Variants in SLC24A2 observed in about 807,000 individuals in gnomAD.
SLC24A2 encodes the protein solute carrier family 24 member 2, also known as sodium/potassium/calcium exchanger 2.
SLC24A2 carries 36 observed loss-of-function variants against 62.0 expected under a neutral mutation model. The ratio of observed to expected loss-of-function variants is 0.58; its 90% CI spans 0.44 to 0.77. The LOEUF is 0.77. SLC24A2 is among the 30% of genes least tolerant of loss of function. The probability of loss-of-function intolerance (pLI) is 0.00; values close to 1 mark genes in which losing one functional copy is unlikely to be tolerated. For missense variants in SLC24A2, 846 were observed against 817.9 expected, an observed-to-expected ratio of 1.03 and a Z score of -0.42; for synonymous variants, 358 against 294.0, an observed-to-expected ratio of 1.22 and a Z score of -2.23.
At chr9:19,756,902 G>A (rs1471345883) in intron 2 of SLC24A2, among the ~76,000 whole-genome samples, 1 of 42,346 alleles carries the variant, frequency 2.4e-5, no homozygotes. Flanking sequence ...TTTTACTGAA[G>A]CTTTTTTTTT....
chr9:19,608,138 C>T lies in SLC24A2; in HGVS notation c.1079-10859G>A, dbSNP rs538116973. Among the ~76,000 whole-genome samples the T allele has an allele frequency of 3.9e-5, 6 of 152,254 alleles. No homozygotes were observed. The South Asian group carries it at 1.2e-3, about 32-fold the overall frequency. On this transcript the variant is annotated intron_variant, in intron 4 of 10. Transcript: ENST00000341998. The stretch of plus-strand genomic sequence containing the variant: ...GAAGATTTTCACTCATTTGCCTATT[C>T]ATTTACCAGGCGGAGGCTGCACGCA...
At chr9:20,266,424 C>T in the SLC24A2 span, among the ~76,000 whole-genome samples, 1 of 152,156 alleles carries the variant, frequency 6.6e-6, no homozygotes. Context: ...CTGGGTGTTC[C>T]CTATAGCTCA....
the SLC24A2 span, among the ~76,000 whole-genome samples, chr9:19,994,651 G>A: frequency 1.8e-4 from 28 of 152,186 alleles, no homozygotes; most frequent in Non-Finnish European, 4.4e-5. Context: ...AAGTTGGCAA[G>A]CAGAGTGGCT....
At chr9:20,200,441 T>A in the SLC24A2 span, among the ~76,000 whole-genome samples, 1 of 152,200 alleles carries the variant, frequency 6.6e-6, no homozygotes, top group African/African-American at 2.4e-5. Flanking sequence ...GAGACTTTGA[T>A]TCTCACAAAT....
upstream of SLC24A2, among the ~76,000 whole-genome samples, chr9:19,791,031 C>T (rs578190606): frequency 6.6e-6 from 1 of 152,270 alleles, no homozygotes; most frequent in Admixed American, 6.5e-5. Flanking sequence ...CTTGGTTGCA[C>T]ATAATAAAAA....
upstream of SLC24A2, among the ~76,000 whole-genome samples, chr9:19,790,071 AT>A (rs1488117665): frequency 1.3e-5 from 2 of 148,808 alleles, no homozygotes. Flanking sequence ...CCACCCCCCA[AT>A]CAAAGCCAGG....
the SLC24A2 span, among the ~76,000 whole-genome samples, chr9:20,279,675 T>C: frequency 6.6e-6 from 1 of 152,212 alleles, no homozygotes; most frequent in African/African-American, 2.4e-5. Context: ...CAGAATTAAA[T>C]GCCAAGGGAT....
At chr9:19,775,380 T>C (rs1235210681) in intron 2 of SLC24A2, among the ~76,000 whole-genome samples, 1 of 152,220 alleles carries the variant, frequency 6.6e-6, no homozygotes. Flanking sequence ...AGCAAGCATA[T>C]CATGCTGTGA....
At chr9:19,569,550 C>T (rs995983804) in intron 7 of SLC24A2, among the ~76,000 whole-genome samples, 7 of 152,196 alleles carry the variant, frequency 4.6e-5, no homozygotes, top group Admixed American at 6.5e-5. Flanking sequence ...CACACCAGTA[C>T]GTGTCATCAT....
chr9:19,600,328 T>C (rs1417511719), intron 4 of SLC24A2, among the ~76,000 whole-genome samples: 2 of 152,210 alleles, frequency 1.3e-5, no homozygotes, highest in South Asian at 2.1e-4. Context: ...TTACGTATAT[T>C]ACTACCCCTC....
chr9:19,525,589 A>C (rs564175789), intron 9 of SLC24A2, among the ~76,000 whole-genome samples: 8 of 150,726 alleles, frequency 5.3e-5, no homozygotes, highest in Non-Finnish European at 8.9e-5. Context: ...ATTTTTGTAA[A>C]GACAGGGTTT....
At chr9:19,576,857 G>T in intron 6 of SLC24A2, 67 bp downstream of exon 6, 2 of 1,196,936 alleles carry the variant, frequency 1.7e-6, no homozygotes, top group Non-Finnish European at 2.5e-6. Context: ...GCCCACACTG[G>T]TCCTGACTCT....
At chr9:19,877,071 G>A in the SLC24A2 span, among the ~76,000 whole-genome samples, 3 of 151,812 alleles carry the variant, frequency 2.0e-5, no homozygotes, top group Admixed American at 1.3e-4. Context: ...CTTTCTTTAG[G>A]GGACTCATGT....
chr9:19,973,803 G>T, the SLC24A2 span, among the ~76,000 whole-genome samples: 1 of 152,216 alleles, frequency 6.6e-6, no homozygotes, highest in Admixed American at 6.5e-5. Flanking sequence ...TAACTAAAAG[G>T]TTGTTTAAAA....
the SLC24A2 span, among the ~76,000 whole-genome samples, chr9:20,296,973 C>T: frequency 2.0e-5 from 3 of 152,126 alleles, no homozygotes; most frequent in South Asian, 6.2e-4. Context: ...ATAAATCCCC[C>T]TTTTAAAATG....
the SLC24A2 span, among the ~76,000 whole-genome samples, chr9:20,140,225 A>T: frequency 6.6e-6 from 1 of 152,146 alleles, no homozygotes; most frequent in Admixed American, 6.5e-5. Context: ...ACTGAAGCTG[A>T]CTCAGGTGTT....
the SLC24A2 span, among the ~76,000 whole-genome samples, chr9:19,974,609 T>C: frequency 1.3e-5 from 2 of 152,226 alleles, no homozygotes; most frequent in East Asian, 3.9e-4. Flanking sequence ...GAGCTCATTT[T>C]AGGCAACATT....
intron 5 of SLC24A2, among the ~76,000 whole-genome samples, chr9:19,577,522 G>T (rs148576219): frequency 1.8e-3 from 273 of 152,300 alleles, no homozygotes; most frequent in African/African-American, 6.3e-3. Context: ...AAGCGTTTCA[G>T]ATAGGGGATA....
intron 6 of SLC24A2, 84 bp from the exon 7 acceptor site, chr9:19,573,553 G>GAC: frequency 2.2e-5 from 19 of 852,988 alleles, no homozygotes; most frequent in East Asian, 7.9e-5. Flanking sequence ...GAGAGAGAGA[G>GAC]AAAGCAAATG....
Sources: gnomAD v4.1 joint callset for allele counts (sites outside exome capture counted in the v4.1 genomes callset) on GRCh38, gnomAD v4.1.1 for gene constraint, MANE v1.5 for transcripts, NCBI Gene and HGNC (gene_info 2026-07-23, HGNC 2026-07-21) for gene names.